KAT2B: variants seen among roughly 807,000 people sequenced by gnomAD.
KAT2B encodes lysine acetyltransferase 2B.
A neutral mutation model predicts 105.9 loss-of-function variants in KAT2B; 36 were observed. That is an observed-to-expected ratio of 0.34 (90% CI 0.26 to 0.45). The LOEUF is 0.45. KAT2B is among the 20% of genes least tolerant of loss of function. KAT2B has a pLI of 1.00. For missense variants in KAT2B, 820 were observed against 1,021.6 expected, an observed-to-expected ratio of 0.80 and a Z score of 2.69; for synonymous variants, 397 against 377.9, an observed-to-expected ratio of 1.05 and a Z score of -0.59.
intron 17 of KAT2B, among the ~76,000 whole-genome samples, chr3:20,149,238 CCA>C (rs1699826833): frequency 6.6e-6 from 1 of 151,976 alleles, no homozygotes. Flanking sequence ...TTGGAGAGAG[CCA>C]GAGTCTTCTG....
intron 1 of KAT2B, among the ~76,000 whole-genome samples, chr3:20,050,579 A>G (rs1697898947): frequency 6.6e-6 from 1 of 152,246 alleles, no homozygotes; most frequent in South Asian, 2.1e-4. Flanking sequence ...TGTCTGTCAG[A>G]TGCATCTATA....
chr3:20,054,146 T>A (rs910338840), intron 1 of KAT2B, among the ~76,000 whole-genome samples: 2 of 152,018 alleles, frequency 1.3e-5, no homozygotes, highest in Admixed American at 1.3e-4. Context: ...TGTTTTTTTT[T>A]TGAGACGGTG....
At chr3:20,064,134 T>A (rs1337892390) in intron 1 of KAT2B, among the ~76,000 whole-genome samples, 2 of 152,246 alleles carry the variant, frequency 1.3e-5, no homozygotes, top group Admixed American at 6.5e-5. Context: ...CCACAAACAC[T>A]GTATGAGGAT....
intron 1 of KAT2B, among the ~76,000 whole-genome samples, chr3:20,055,302 G>A (rs776507831): frequency 3.3e-5 from 5 of 152,174 alleles, no homozygotes; most frequent in Admixed American, 6.5e-5. Context: ...TATTTAATGT[G>A]CCAGGTGTTG....
At chr3:20,110,780 G>A (rs1196290308) in intron 5 of KAT2B, among the ~76,000 whole-genome samples, 1 of 151,614 alleles carries the variant, frequency 6.6e-6, no homozygotes, top group Non-Finnish European at 1.5e-5. Flanking sequence ...TAAATTAGAT[G>A]ACCTGTATTG....
At chr3:20,130,854 AGTGTGT>A (rs60944875) in intron 11 of KAT2B, among the ~76,000 whole-genome samples, 2 of 150,350 alleles carry the variant, frequency 1.3e-5, no homozygotes, top group African/African-American at 4.9e-5. Flanking sequence ...GGATGAGTTT[AGTGTGT>A]GTGTGTGTGT....
intron 3 of KAT2B, among the ~76,000 whole-genome samples, chr3:20,096,652 A>G (rs528154083): frequency 6.6e-6 from 1 of 152,236 alleles, no homozygotes; most frequent in East Asian, 1.9e-4. Context: ...ATTTATTTGT[A>G]CTTCATTTTT....
intron 1 of KAT2B, among the ~76,000 whole-genome samples, chr3:20,062,642 A>G (rs1356446400): frequency 1.1e-4 from 16 of 151,222 alleles, no homozygotes; most frequent in Admixed American, 6.6e-5. Context: ...TTGTGTTTTT[A>G]GTAGAGACGG....
At chr3:20,078,153 C>T (rs929752218) in intron 2 of KAT2B, among the ~76,000 whole-genome samples, 2 of 152,024 alleles carry the variant, frequency 1.3e-5, no homozygotes, top group South Asian at 4.2e-4. Flanking sequence ...GCACTCCAGC[C>T]TGGGTGGCAG....
At chr3:20,129,007 C>CAAAA (rs534566854) in intron 11 of KAT2B, among the ~76,000 whole-genome samples, 86 of 57,018 alleles carry the variant, frequency 1.5e-3, no homozygotes, top group African/African-American at 1.8e-3. Context: ...AACTCCATCT[C>CAAAA]AAAAAAAAAA....
intron 2 of KAT2B, among the ~76,000 whole-genome samples, chr3:20,091,485 C>A (rs1698717343): frequency 1.3e-5 from 2 of 151,860 alleles, no homozygotes; most frequent in Admixed American, 1.3e-4. Context: ...TTTCTTGTTT[C>A]CATTTATTTC....
rs182767894 is a variant in KAT2B at position 20,060,321 on chromosome 3, G to C, written c.304-12012G>C. 1.8e-3 allele frequency among the ~76,000 whole-genome samples: 271 copies of C among 152,318 alleles called. 1 individual carries two copies. The highest frequency in any genetic ancestry group is 6.3e-3 in the African/African-American group (260 of 41,564). ...ATTGTTGTTTCTTAAAAAACTGTGGGCTGGGCATGGTGGCTCACGCCTGTA... is the reference window on the plus strand; with the variant it reads ...ATTGTTGTTTCTTAAAAAACTGTGGCCTGGGCATGGTGGCTCACGCCTGTA... On this transcript the variant is annotated intron_variant, in intron 1 of 17. Transcript: ENST00000263754.
At chr3:20,090,981 G>GCCTCCTA (rs1698708335) in intron 2 of KAT2B, among the ~76,000 whole-genome samples, 1 of 151,978 alleles carries the variant, frequency 6.6e-6, no homozygotes, top group Non-Finnish European at 1.5e-5. Context: ...TGAACTCCTA[G>GCCTCCTA]GCTTAAGCAT....
At chr3:20,123,342 T>A (rs1045138087) in intron 9 of KAT2B, among the ~76,000 whole-genome samples, 11 of 152,350 alleles carry the variant, frequency 7.2e-5, no homozygotes, top group African/African-American at 2.6e-4. Context: ...CAGTCATTAC[T>A]CTTAGAAAAT....
At chr3:20,062,400 T>C (rs1575111271) in intron 1 of KAT2B, among the ~76,000 whole-genome samples, 1 of 103,710 alleles carries the variant, frequency 9.6e-6, no homozygotes, top group Non-Finnish European at 1.9e-5. Flanking sequence ...TAATAAATTA[T>C]ATATTATATA....
chr3:20,122,112 T>C (rs1699321923), intron 8 of KAT2B, among the ~76,000 whole-genome samples: 1 of 152,078 alleles, frequency 6.6e-6, no homozygotes, highest in South Asian at 2.1e-4. Flanking sequence ...AACTGAGTAA[T>C]TCATAGGTCA....
intron 14 of KAT2B, among the ~76,000 whole-genome samples, chr3:20,147,263 C>T (rs1292471344): frequency 2.0e-5 from 3 of 152,086 alleles, no homozygotes; most frequent in African/African-American, 7.2e-5. Context: ...ATGCTAAATC[C>T]AGAAATTCTA....
intron 5 of KAT2B, among the ~76,000 whole-genome samples, chr3:20,103,693 G>A (rs1451641476): frequency 6.6e-6 from 1 of 152,188 alleles, no homozygotes; most frequent in Non-Finnish European, 1.5e-5. Flanking sequence ...ACATGTGTGA[G>A]TCACTGTGCC....
intron 11 of KAT2B, among the ~76,000 whole-genome samples, chr3:20,128,163 C>A (rs1225827922): frequency 6.6e-6 from 1 of 152,148 alleles, no homozygotes; most frequent in African/African-American, 2.4e-5. Flanking sequence ...ATATGTAACT[C>A]AAGTGTAGTC....
Sources: gnomAD v4.1 joint callset for allele counts (sites outside exome capture counted in the v4.1 genomes callset) on GRCh38, gnomAD v4.1.1 for gene constraint, MANE v1.5 for transcripts, NCBI Gene and HGNC (gene_info 2026-07-23, HGNC 2026-07-21) for gene names.